Variants in AGBL4 observed in about 807,000 individuals in gnomAD.
AGBL4 encodes AGBL carboxypeptidase 4.
AGBL4 carries 58 observed loss-of-function variants against 66.4 expected under a neutral mutation model. The ratio of observed to expected loss-of-function variants is 0.87; its 90% CI spans 0.71 to 1.09. AGBL4 has a LOEUF of 1.09. Ranked by LOEUF, AGBL4 falls within the 50% of genes least tolerant of loss-of-function variation. The pLI, the probability that AGBL4 is intolerant of heterozygous loss-of-function variation, is 0.00. For synonymous variants in AGBL4, 234 were observed against 222.9 expected, an observed-to-expected ratio of 1.05 and a Z score of -0.44; for missense variants, 579 against 631.0, an observed-to-expected ratio of 0.92 and a Z score of 0.88.
intron 5 of AGBL4, among the ~76,000 whole-genome samples, chr1:48,962,115 A>ATCCATCCATCCATCCATCCATCCG (rs1553131001): frequency 6.7e-6 from 1 of 149,002 alleles, no homozygotes; most frequent in Non-Finnish European, 1.5e-5. Flanking sequence ...CCATCCATCC[A>ATCCATCCATCCATCCATCCATCCG]TCCATCCATC....
At chr1:49,083,783 C>T (rs548584541) in intron 4 of AGBL4, among the ~76,000 whole-genome samples, 16 of 152,312 alleles carry the variant, frequency 1.1e-4, no homozygotes, top group Non-Finnish European at 1.9e-4. Flanking sequence ...AACTTTTATG[C>T]TGAGCTTTCC....
intron 1 of AGBL4, among the ~76,000 whole-genome samples, chr1:50,011,238 A>G (rs1661507487): frequency 6.6e-6 from 1 of 152,214 alleles, no homozygotes; most frequent in Non-Finnish European, 1.5e-5. Flanking sequence ...TTGAATAGAT[A>G]TTTTTTAAAA....
chr1:49,664,792 C>G (rs1337719403), intron 3 of AGBL4, among the ~76,000 whole-genome samples: 1 of 152,022 alleles, frequency 6.6e-6, no homozygotes, highest in African/African-American at 2.4e-5. Context: ...ACAAGATTCT[C>G]ACTGTAAATT....
At chr1:49,414,553 G>A (rs553652903) in intron 3 of AGBL4, among the ~76,000 whole-genome samples, 106 of 152,184 alleles carry the variant, frequency 7.0e-4, no homozygotes, top group African/African-American at 2.3e-3. Context: ...CAATGAAAAC[G>A]GGCCTACTGC....
At chr1:48,992,613 T>C (rs1365969913) in intron 5 of AGBL4, among the ~76,000 whole-genome samples, 1 of 151,994 alleles carries the variant, frequency 6.6e-6, no homozygotes, top group Non-Finnish European at 1.5e-5. Context: ...AACCCTTGGT[T>C]CAAAACCAAG....
At chr1:49,397,978 T>C (rs1645005822) in intron 3 of AGBL4, among the ~76,000 whole-genome samples, 1 of 152,228 alleles carries the variant, frequency 6.6e-6, no homozygotes, top group Non-Finnish European at 1.5e-5. Flanking sequence ...ATAAAAAGGC[T>C]ACAAGTACTG....
At chr1:48,738,880 A>C (rs1293376784) in intron 6 of AGBL4, among the ~76,000 whole-genome samples, 1 of 152,120 alleles carries the variant, frequency 6.6e-6, no homozygotes, top group Non-Finnish European at 1.5e-5. Context: ...TAATGACCTT[A>C]AGAGATGGAA....
chr1:49,910,511 T>G (rs1313968691), intron 1 of AGBL4, among the ~76,000 whole-genome samples: 1 of 151,654 alleles, frequency 6.6e-6, no homozygotes, highest in African/African-American at 2.4e-5. Flanking sequence ...TAAAGGAGAA[T>G]AGAGAAATGG....
chr1:48,922,814 T>G (rs1037637041), intron 5 of AGBL4, among the ~76,000 whole-genome samples: 6 of 152,060 alleles, frequency 3.9e-5, no homozygotes, highest in African/African-American at 1.4e-4. Context: ...ATTAATATCA[T>G]TTAATTATTT....
At chr1:49,037,946 T>C (rs1392467825) in intron 5 of AGBL4, among the ~76,000 whole-genome samples, 1 of 152,124 alleles carries the variant, frequency 6.6e-6, no homozygotes, top group Non-Finnish European at 1.5e-5. Flanking sequence ...TTGCATTATG[T>C]AGACAAATTA....
intron 1 of AGBL4, among the ~76,000 whole-genome samples, chr1:50,016,916 T>C (rs1662023944): frequency 6.6e-6 from 1 of 152,162 alleles, no homozygotes; most frequent in Admixed American, 6.6e-5. Flanking sequence ...TACCATTTGA[T>C]CTAGCAATCC....
At chr1:49,177,739 T>C (rs189277993) in intron 4 of AGBL4, among the ~76,000 whole-genome samples, 1 of 152,166 alleles carries the variant, frequency 6.6e-6, no homozygotes, top group Admixed American at 6.5e-5. Context: ...GGGGTAATCA[T>C]ATGGCAGGGG....
intron 4 of AGBL4, among the ~76,000 whole-genome samples, chr1:49,127,272 G>C (rs1391266708): frequency 6.6e-6 from 1 of 152,076 alleles, no homozygotes; most frequent in Non-Finnish European, 1.5e-5. Flanking sequence ...ATACAGATTG[G>C]ACTCTGCAGG....
In AGBL4 at chr1:49,529,852, A is replaced by G. The variant is rs1438497162; in HGVS notation, c.282+167461T>C. On this transcript the variant is annotated intron_variant, in intron 3 of 13. Transcript: ENST00000371839. ...GATAAATGTTCCGGGACCTTATTGA[A>G]GCTCTGGGTGAATATTAAATCATAA... 2.0e-5 allele frequency among the ~76,000 whole-genome samples: 3 copies of G among 151,860 alleles called. No individual in the cohort carries two copies. In the East Asian group the frequency reaches 5.8e-4, roughly 29 times the overall value.
chr1:49,904,953 C>T (rs970967618), intron 1 of AGBL4, among the ~76,000 whole-genome samples: 1 of 151,984 alleles, frequency 6.6e-6, no homozygotes, highest in African/African-American at 2.4e-5. Context: ...GAGAACAATG[C>T]CTATAAAAAA....
intron 5 of AGBL4, among the ~76,000 whole-genome samples, chr1:48,900,247 A>T (rs1004599787): frequency 1.3e-5 from 2 of 152,250 alleles, no homozygotes; most frequent in Non-Finnish European, 1.5e-5. Context: ...CTTCTAGGCC[A>T]GGGAATATAA....
chr1:49,426,003 T>C (rs950666609), intron 3 of AGBL4, among the ~76,000 whole-genome samples: 9 of 152,222 alleles, frequency 5.9e-5, no homozygotes, highest in African/African-American at 1.9e-4. Flanking sequence ...AATGAACAGA[T>C]GAGCTAATAG....
intron 4 of AGBL4, among the ~76,000 whole-genome samples, chr1:49,187,888 G>A (rs1391499326): frequency 6.6e-6 from 1 of 152,058 alleles, no homozygotes; most frequent in Non-Finnish European, 1.5e-5. Flanking sequence ...ACAATTCTTA[G>A]GTGTCGTGGG....
intron 4 of AGBL4, among the ~76,000 whole-genome samples, chr1:49,097,532 G>A (rs1033114304): frequency 6.6e-6 from 1 of 152,230 alleles, no homozygotes; most frequent in Admixed American, 6.5e-5. Flanking sequence ...GGTTACCCAT[G>A]AAGGCCATAG....
Sources: gnomAD v4.1 joint callset for allele counts (sites outside exome capture counted in the v4.1 genomes callset) on GRCh38, gnomAD v4.1.1 for gene constraint, MANE v1.5 for transcripts, NCBI Gene and HGNC (gene_info 2026-07-23, HGNC 2026-07-21) for gene names.